Variants in TULP4 observed in about 807,000 individuals in gnomAD.
TULP4 encodes TUB like protein 4.
In TULP4, 16 loss-of-function variants were observed where a neutral mutation model predicts 129.0. The observed-to-expected ratio is 0.12, with a 90% confidence interval of 0.08 to 0.19. TULP4 has a LOEUF of 0.19. Ranked by LOEUF, TULP4 falls within the 10% of genes least tolerant of loss-of-function variation. The probability of loss-of-function intolerance (pLI) is 1.00; values close to 1 mark genes in which losing one functional copy is unlikely to be tolerated. For missense variants in TULP4, 1,842 were observed against 2,059.1 expected (o/e 0.89, Z 2.04); for synonymous variants, 998 against 854.0 (o/e 1.17, Z -2.94).
chr6:158,403,614 G>A (rs994996990), intron 1 of TULP4, among the ~76,000 whole-genome samples: 3 of 152,140 alleles, frequency 2.0e-5, no homozygotes, highest in Non-Finnish European at 4.4e-5. Flanking sequence ...AGTAGAAGGA[G>A]CTGTTTCCGC....
chr6:158,486,724 C>A (rs560522323), intron 8 of TULP4, among the ~76,000 whole-genome samples: 3 of 152,270 alleles, frequency 2.0e-5, no homozygotes, highest in African/African-American at 7.2e-5. Context: ...CCACCCAAGT[C>A]TGTGGTATTT....
intron 9 of TULP4, among the ~76,000 whole-genome samples, chr6:158,490,621 C>G (rs1343779556): frequency 6.6e-6 from 1 of 152,130 alleles, no homozygotes. Flanking sequence ...TGTCTTCCCC[C>G]AAGTTCAAGA....
chr6:158,444,486 C>T (rs1778986197), intron 3 of TULP4, among the ~76,000 whole-genome samples: 1 of 151,912 alleles, frequency 6.6e-6, no homozygotes, highest in African/African-American at 2.4e-5. Context: ...GGAACTAGTT[C>T]CAATACTACA....
intron 1 of TULP4, among the ~76,000 whole-genome samples, chr6:158,252,325 T>C (rs572411158): frequency 9.5e-6 from 1 of 104,760 alleles, no homozygotes; most frequent in Admixed American, 8.9e-5. Context: ...GTTTTTTCTT[T>C]TTTTTTTTTT....
upstream of TULP4, among the ~76,000 whole-genome samples, chr6:158,277,827 C>G (rs188723606): frequency 6.6e-6 from 1 of 152,240 alleles, no homozygotes. Context: ...TGTAACAGTC[C>G]CAGGTACCAG....
At chr6:158,340,084 G>A (rs1483077385) in intron 1 of TULP4, among the ~76,000 whole-genome samples, 1 of 152,184 alleles carries the variant, frequency 6.6e-6, no homozygotes, top group African/African-American at 2.4e-5. Context: ...ATGTGGATCT[G>A]CTCGTGCAAG....
At chr6:158,274,498 C>T (rs1053259641) in intron 1 of TULP4, among the ~76,000 whole-genome samples, 3 of 151,690 alleles carry the variant, frequency 2.0e-5, no homozygotes, top group Admixed American at 6.6e-5. Flanking sequence ...CAGTGGCGGC[C>T]GGGCGCAGTG....
intron 6 of TULP4, among the ~76,000 whole-genome samples, chr6:158,463,645 T>TAA (rs1187048286): frequency 1.0e-3 from 85 of 82,240 alleles, no homozygotes; most frequent in Middle Eastern, 6.8e-3. Context: ...TAAAGTATAA[T>TAA]AAAAATATAT....
intron 1 of TULP4, among the ~76,000 whole-genome samples, chr6:158,400,962 A>G (rs1777829361): frequency 6.6e-6 from 1 of 152,182 alleles, no homozygotes; most frequent in Non-Finnish European, 1.5e-5. Flanking sequence ...GTACTCAAGT[A>G]AGTAAGCAGA....
upstream of TULP4, chr6:158,312,184 A>G: frequency 5.0e-6 from 2 of 398,522 alleles, no homozygotes; most frequent in Non-Finnish European, 8.8e-6. Flanking sequence ...CTGTACTTAC[A>G]CATTCACACG....
intron 3 of TULP4, among the ~76,000 whole-genome samples, chr6:158,437,501 C>G (rs1181910071): frequency 6.6e-6 from 1 of 150,496 alleles, no homozygotes; most frequent in Non-Finnish European, 1.5e-5. Flanking sequence ...GTCGAGGCTG[C>G]AGTGAGCTGT....
chr6:158,260,575 CAA>C (rs71729689), intron 1 of TULP4, among the ~76,000 whole-genome samples: 11 of 116,596 alleles, frequency 9.4e-5, no homozygotes, highest in Admixed American at 1.8e-4. Context: ...GACTCTGTCT[CAA>C]AAAAAAAAAA....
intron 6 of TULP4, among the ~76,000 whole-genome samples, chr6:158,466,835 T>G (rs1400349950): frequency 6.7e-6 from 1 of 149,930 alleles, no homozygotes; most frequent in Non-Finnish European, 1.5e-5. Flanking sequence ...TTTGATAACC[T>G]GGAGGAAAGG....
chr6:158,354,709 G>A (rs906589445), intron 1 of TULP4, among the ~76,000 whole-genome samples: 16 of 151,964 alleles, frequency 1.1e-4, no homozygotes, highest in African/African-American at 3.9e-4. Flanking sequence ...TCTGGGCAAC[G>A]TAGCAAGACC....
At chr6:158,419,099 A>G (rs970131899) in intron 2 of TULP4, among the ~76,000 whole-genome samples, 1 of 152,204 alleles carries the variant, frequency 6.6e-6, no homozygotes, top group Non-Finnish European at 1.5e-5. Flanking sequence ...TGGAACATAA[A>G]GTCAGTAAAG....
chr6:158,386,489 A>G (rs1243352682), intron 1 of TULP4, among the ~76,000 whole-genome samples: 6 of 152,190 alleles, frequency 3.9e-5, no homozygotes, highest in Non-Finnish European at 7.4e-5. Flanking sequence ...AAACTTGCAT[A>G]AGGTGCTAAT....
At chr6:158,265,685 G>GAAA (rs35306645) in intron 1 of TULP4, among the ~76,000 whole-genome samples, 1 of 143,210 alleles carries the variant, frequency 7.0e-6, no homozygotes. Context: ...CATCTCAGAA[G>GAAA]AAAAAAAAAA....
chr6:158,329,827 A>ACTAT (rs10640677), intron 1 of TULP4, among the ~76,000 whole-genome samples: 130,729 of 151,780 alleles, frequency 0.86, 56,715 homozygotes, highest in South Asian at 0.93. Context: ...GAAAAACCTA[A>ACTAT]CTATTTTCAA....
Position 158,479,746 on chromosome 6 carries a change from G to A in TULP4, c.1027-5G>A. 6.2e-7 allele frequency: 1 copy of A among 1,612,038 alleles called. No homozygotes were observed. Among genetic ancestry groups the A allele is most frequent in the East Asian group, 2.2e-5 (1 of 44,808 alleles). On this transcript the variant is annotated splice_region_variant and splice_polypyrimidine_tract_variant and intron_variant, in intron 6 of 13. Transcript: ENST00000367097. ...AAGCATTGTCTTCCCTTCACTTCCTGCCAGCGCCCCATCATCTCCATCTGC... is the reference window on the plus strand; with the variant it reads ...AAGCATTGTCTTCCCTTCACTTCCTACCAGCGCCCCATCATCTCCATCTGC...
Sources: gnomAD v4.1 joint callset for allele counts (sites outside exome capture counted in the v4.1 genomes callset) on GRCh38, gnomAD v4.1.1 for gene constraint, MANE v1.5 for transcripts, NCBI Gene and HGNC (gene_info 2026-07-23, HGNC 2026-07-21) for gene names.